NRXN1: variants seen among roughly 807,000 people sequenced by gnomAD.
NRXN1 encodes the protein neurexin 1, also known as neurexin-1.
Under a neutral mutation model 150.9 loss-of-function variants are expected in NRXN1, and 39 were observed. The observed-to-expected ratio is 0.26, with a 90% CI of 0.20 to 0.34. The LOEUF (loss-of-function observed/expected upper bound fraction) is 0.34. Ranked by LOEUF, NRXN1 falls within the 10% of genes least tolerant of loss-of-function variation. The pLI is 1.00. For synonymous variants in NRXN1, 924 were observed against 757.0 expected, an observed-to-expected ratio of 1.22 and a Z score of -3.62; for missense variants, 1,815 against 1,949.9, an observed-to-expected ratio of 0.93 and a Z score of 1.30.
chr2:50,668,653 A>G (rs1186859175), intron 5 of NRXN1, among the ~76,000 whole-genome samples: 1 of 152,022 alleles, frequency 6.6e-6, no homozygotes, highest in Admixed American at 6.6e-5. Flanking sequence ...CAATTACTTC[A>G]ATGTGTCATT....
chr2:50,876,875 C>T (rs2103625904), intron 5 of NRXN1, among the ~76,000 whole-genome samples: 1 of 151,824 alleles, frequency 6.6e-6, no homozygotes, highest in African/African-American at 2.4e-5. Context: ...ATATGGGAGA[C>T]AAATTTAAAA....
intron 17 of NRXN1, among the ~76,000 whole-genome samples, chr2:50,463,626 T>C (rs534079935): frequency 2.7e-4 from 41 of 151,888 alleles, no homozygotes; most frequent in African/African-American, 9.6e-4. Context: ...TCTGTAAAAA[T>C]CATTCGAAGA....
intron 5 of NRXN1, among the ~76,000 whole-genome samples, chr2:50,889,061 T>C (rs1385512760): frequency 6.6e-6 from 1 of 151,696 alleles, no homozygotes; most frequent in Non-Finnish European, 1.5e-5. Context: ...AGACAGCATA[T>C]TTTCATCATG....
chr2:50,212,398 T>C (rs945628095), intron 18 of NRXN1, among the ~76,000 whole-genome samples: 3 of 151,466 alleles, frequency 2.0e-5, no homozygotes, highest in African/African-American at 7.3e-5. Context: ...TTCACCTATA[T>C]GGCTAATATT....
At position 50,905,061 on chromosome 2, in the gene NRXN1, G is replaced by A. The variant is rs1683481288; in HGVS notation, c.832+16808C>T. 2.0e-5 allele frequency among the ~76,000 whole-genome samples: 3 copies of A among 152,008 alleles called. No individual in the cohort carries two copies. In the South Asian group the frequency reaches 6.2e-4, roughly 32 times the overall value. On this transcript the variant is annotated intron_variant, in intron 5 of 22. Transcript: ENST00000401669. ...ACCCAGGCCATGTCCTAATGAAATT[G>A]TAAATCTAGTTTCTCATGTTTGGTC...
At chr2:50,865,946 C>G (rs575296875) in intron 5 of NRXN1, among the ~76,000 whole-genome samples, 137 of 151,486 alleles carry the variant, frequency 9.0e-4, no homozygotes, top group South Asian at 3.3e-3. Flanking sequence ...GGAGAACTTG[C>G]AAAAGAAAAC....
intron 1 of NRXN1, 108 bp downstream of exon 1, chr2:51,031,873 C>A (rs1385046718): frequency 6.6e-6 from 1 of 152,134 alleles, no homozygotes; most frequent in African/African-American, 2.4e-5. Context: ...ACCCATCTTT[C>A]CCTGTGTATT....
At chr2:50,321,213 A>G (rs1190771236) in intron 17 of NRXN1, among the ~76,000 whole-genome samples, 3 of 152,182 alleles carry the variant, frequency 2.0e-5, no homozygotes, top group East Asian at 1.9e-4. Flanking sequence ...CAGACTAAGT[A>G]TCCTGGAATG....
intron 17 of NRXN1, among the ~76,000 whole-genome samples, chr2:50,266,536 TACACACACACACACAC>T (rs67570666): frequency 6.2e-5 from 7 of 112,806 alleles, no homozygotes; most frequent in South Asian, 2.8e-4. Flanking sequence ...TGTATATAAA[TACACACACACACACAC>T]ACACACACAC....
intron 5 of NRXN1, among the ~76,000 whole-genome samples, chr2:50,849,266 CTTT>C (rs1241661656): frequency 6.6e-6 from 1 of 152,202 alleles, no homozygotes; most frequent in East Asian, 1.9e-4. Flanking sequence ...CTTGATCTCC[CTTT>C]TCTAAGAGGA....
chr2:50,925,694 T>C (rs577895854), intron 3 of NRXN1, among the ~76,000 whole-genome samples: 2 of 152,082 alleles, frequency 1.3e-5, no homozygotes, highest in East Asian at 3.9e-4. Flanking sequence ...TAATAACTAT[T>C]CTAAGCTTCA....
intron 21 of NRXN1, among the ~76,000 whole-genome samples, chr2:50,022,356 A>T (rs996750631): frequency 6.6e-6 from 1 of 152,198 alleles, no homozygotes; most frequent in African/African-American, 2.4e-5. Flanking sequence ...TCTAGAATTT[A>T]AAAAAGGTGA....
At chr2:50,402,830 C>G (rs1252605128) in intron 17 of NRXN1, among the ~76,000 whole-genome samples, 14 of 151,966 alleles carry the variant, frequency 9.2e-5, no homozygotes, top group Non-Finnish European at 1.5e-5. Flanking sequence ...AGCCTCAACT[C>G]CTCCCTGTAA....
chr2:50,770,705 C>T lies in NRXN1; in HGVS notation c.833-147090G>A, dbSNP rs368036266. On this transcript the variant is annotated intron_variant, in intron 5 of 22. Coordinates refer to ENST00000401669, the MANE Select transcript of NRXN1 (RefSeq NM_001330078.2). ...ATTTTTTATTACTATTTTTCAAACA[C>T]TTTTTTGAGGCATGATTCATGAGTC... Among the ~76,000 whole-genome samples the T allele has an allele frequency of 6.3e-4, 96 of 151,948 alleles. 1 individual carries two copies. The South Asian group carries it at 0.019, about 31-fold the overall frequency.
At chr2:50,925,998 C>G (rs751126400) in intron 2 of NRXN1, 43 bp from the exon 3 acceptor site, 1 of 1,515,056 alleles carries the variant, frequency 6.6e-7, no homozygotes, top group Non-Finnish European at 9.0e-7. Context: ...GAAAAACATT[C>G]ATTAAGCAGC....
chr2:50,262,960 C>T (rs1558402102), intron 17 of NRXN1, among the ~76,000 whole-genome samples: 1 of 151,870 alleles, frequency 6.6e-6, no homozygotes, highest in Non-Finnish European at 1.5e-5. Context: ...TTACTCATTC[C>T]CTGGTAGATT....
chr2:50,788,605 CAGAGAG>C (rs149877950), intron 5 of NRXN1, among the ~76,000 whole-genome samples: 1 of 149,256 alleles, frequency 6.7e-6, no homozygotes, highest in African/African-American at 2.5e-5. Context: ...GAGAGAGAGA[CAGAGAG>C]AGAGAGAGAG....
intron 5 of NRXN1, among the ~76,000 whole-genome samples, chr2:50,894,754 A>T (rs937516551): frequency 4.6e-5 from 7 of 152,176 alleles, no homozygotes; most frequent in African/African-American, 1.7e-4. Flanking sequence ...TATATTACTG[A>T]ATCCAGTGGC....
intron 17 of NRXN1, among the ~76,000 whole-genome samples, chr2:50,246,391 C>T (rs1420002165): frequency 6.6e-6 from 1 of 151,972 alleles, no homozygotes; most frequent in African/African-American, 2.4e-5. Context: ...GAATTATTTG[C>T]ATCGCATAGT....
Sources: allele counts gnomAD v4.1 joint callset (sites outside exome capture counted in the v4.1 genomes callset), GRCh38; gene constraint gnomAD v4.1.1; transcripts MANE v1.5; gene names NCBI Gene and HGNC (gene_info 2026-07-23, HGNC 2026-07-21).